Variants in NUMA1 observed in about 807,000 individuals in gnomAD.
NUMA1 encodes the protein nuclear mitotic apparatus protein 1.
In NUMA1, 62 loss-of-function variants were observed where a neutral mutation model predicts 237.1. The ratio of observed to expected loss-of-function variants is 0.26; its 90% confidence interval spans 0.21 to 0.32. The LOEUF (loss-of-function observed/expected upper bound fraction) is 0.32. Among genes scored for constraint, NUMA1 ranks in the 10% least tolerant of loss-of-function variants. The pLI is 1.00. For missense variants in NUMA1, 2,533 were observed against 2,666.5 expected (o/e 0.95, Z 1.10); for synonymous variants, 1,028 against 1,066.1 (o/e 0.96, Z 0.70).
chr11:72,027,542 T>C (rs1565240077), intron 4 of NUMA1, among the ~76,000 whole-genome samples: 1 of 88,586 alleles, frequency 1.1e-5, no homozygotes, highest in African/African-American at 3.7e-5. Context: ...GATTTAAGGA[T>C]TTCTATAAGA....
intron 2 of NUMA1, among the ~76,000 whole-genome samples, chr11:72,056,923 T>C (rs904975210): frequency 1.3e-5 from 2 of 151,942 alleles, no homozygotes; most frequent in African/African-American, 2.4e-5. Context: ...AAAAATGGCA[T>C]TGAAAATGGA....
Position 72,014,920 on chromosome 11 carries a change from G to A in NUMA1, c.2583C>T (p.Ser861=). 1 of 1,614,164 alleles carries A rather than the reference G, an allele frequency of 6.2e-7. No individual in the cohort carries two copies. The part of the protein sequence containing the change: ...EAKEKVAGIE[S]HSELQISRQQ... ...GCCGGCTTATCTGGAGCTCGCTGTG[G>A]GATTCTATGCCTGCCACCTTCTCCT... Residue 861 remains serine (S), a synonymous_variant, in exon 15 of 27, where the codon TCC becomes TCT. Transcript: ENST00000393695. This position sits in a 1 kb window ranked among gnomAD's most constrained non-coding sequence, Gnocchi z 4.6.
chr11:72,033,319 C>T (rs1027059323), intron 3 of NUMA1, among the ~76,000 whole-genome samples: 9 of 151,690 alleles, frequency 5.9e-5, no homozygotes, highest in Admixed American at 1.3e-4. Flanking sequence ...CACTACTGAT[C>T]CCAGCACATA....
At chr11:72,005,665 C>G (rs908366492) in intron 22 of NUMA1, 1 of 501,124 alleles carries the variant, frequency 2.0e-6, no homozygotes, top group African/African-American at 2.0e-5. Context: ...AATTAAGGAC[C>G]GGGAATTAAT....
At chr11:72,008,028 T>C (rs902134542) in intron 20 of NUMA1, 10 of 451,706 alleles carry the variant, frequency 2.2e-5, no homozygotes, top group Non-Finnish European at 4.0e-5. Flanking sequence ...CTGGGGAACC[T>C]TGGGCAAGTG....
chr11:72,018,018 A>G (rs1334145012), intron 12 of NUMA1, 165 bp downstream of exon 12: 4 of 939,792 alleles, frequency 4.3e-6, no homozygotes, highest in Non-Finnish European at 4.9e-6. Flanking sequence ...AGTACCCGGG[A>G]AGCCGCCAAT....
chr11:72,044,933 G>A (rs1941910160), intron 2 of NUMA1, among the ~76,000 whole-genome samples: 1 of 151,968 alleles, frequency 6.6e-6, no homozygotes, highest in Admixed American at 6.6e-5. Context: ...CCCAAGTGCT[G>A]GATTACAGGT....
At chr11:72,071,525 A>G (rs1230898945) in intron 1 of NUMA1, among the ~76,000 whole-genome samples, 1 of 152,268 alleles carries the variant, frequency 6.6e-6, no homozygotes, top group African/African-American at 2.4e-5. Context: ...AAATACATGC[A>G]TGATCCTTCA....
chr11:72,004,913 T>A, intron 23 of NUMA1, 97 bp from the exon 24 acceptor site: 1 of 1,208,954 alleles, frequency 8.3e-7, no homozygotes, highest in Non-Finnish European at 1.1e-6. Flanking sequence ...CCGACACTTA[T>A]GGTCGGGACC....
Position 72,037,365 on chromosome 11 carries a change from G to A in NUMA1, c.-32-1390C>T, listed in dbSNP as rs1021251208. On this transcript the variant is annotated intron_variant, in intron 2 of 26. Coordinates refer to ENST00000393695, the MANE Select transcript of NUMA1 (RefSeq NM_006185.4). ...CTAAAAATACAAAAAAATTAGCTGGGCATGGTGGCGGGCGCCTGTAGTCCC... is the reference window on the plus strand; with the variant it reads ...CTAAAAATACAAAAAAATTAGCTGGACATGGTGGCGGGCGCCTGTAGTCCC... 5.9e-5 allele frequency among the ~76,000 whole-genome samples: 9 copies of A among 152,190 alleles called. No homozygotes were observed. The East Asian group carries it at 1.5e-3, about 26-fold the overall frequency.
At chr11:72,053,031 G>A (rs1942451957) in intron 2 of NUMA1, among the ~76,000 whole-genome samples, 1 of 152,202 alleles carries the variant, frequency 6.6e-6, no homozygotes, top group East Asian at 1.9e-4. Flanking sequence ...TGGGTTTATA[G>A]CTTAATAGCT....
In NUMA1 at chr11:72,013,684, C is replaced by T; in HGVS notation, c.3819G>A (p.Gln1273=). 6.2e-7 allele frequency: 1 copy of T among 1,609,216 alleles called. No homozygotes were observed. Among genetic ancestry groups the T allele is most frequent in the South Asian group, 1.1e-5 (1 of 91,086 alleles). ...QKLEERLRLL[Q]AETASNSARA... is the part of the protein sequence containing the mutation. ...TGGCACTGTTGCTGGCTGTCTCTGC[C>T]TGCAGCAGGCGCAGCCTCTCCTCCA... The change falls in exon 15 of 27, where the codon CAG becomes CAA. Residue 1273 remains glutamine (Q), a synonymous_variant. Transcript: ENST00000393695. The surrounding 1 kb of genome is among the most constrained non-coding windows in gnomAD (Gnocchi z 6.8).
At chr11:72,029,084 G>A in intron 4 of NUMA1, 121 bp downstream of exon 4, 2 of 678,146 alleles carry the variant, frequency 2.9e-6, no homozygotes, top group Non-Finnish European at 5.0e-6. Context: ...GGCTTATGAT[G>A]TCCCAATCCT....
At chr11:72,035,781 A>T in intron 3 of NUMA1, 121 bp downstream of exon 3, 1 of 900,954 alleles carries the variant, frequency 1.1e-6, no homozygotes, top group Admixed American at 1.9e-5. Context: ...GTCTAAAGGA[A>T]AACTATTTAG....
rs755896725 is a variant in NUMA1 at position 72,007,205 on chromosome 11, TTGA to T, written c.5444_5446del (p.Ile1815del). 11 of 1,609,990 alleles carry T rather than the reference TTGA, an allele frequency of 6.8e-6. No homozygotes were observed. The South Asian group carries it at 1.1e-4, about 16-fold the overall frequency. Reference sequence around the variant, plus strand: ...CAGCCTGACCTTGGTCATGGTGATGTTGATGATCTGCGTGGTGCGCCGACGAGC... The same window carrying T: ...CAGCCTGACCTTGGTCATGGTGATGTTGATCTGCGTGGTGCGCCGACGAGC... On this transcript the variant is annotated inframe_deletion, in exon 21 of 27. Transcript: ENST00000393695.
intron 5 of NUMA1, 45 bp downstream of exon 5, chr11:72,024,229 G>A (rs1415538559): frequency 6.4e-7 from 1 of 1,568,688 alleles, no homozygotes; most frequent in Admixed American, 1.7e-5. Context: ...AATCCCACGA[G>A]CTGAGGAAGC....
At position 72,016,032 on chromosome 11, in the gene NUMA1, C is replaced by T. The variant is rs768312706; in HGVS notation, c.1471G>A (p.Ala491Thr). 2 of 1,614,092 alleles carry T rather than the reference C, an allele frequency of 1.2e-6. No homozygotes were observed. Among genetic ancestry groups the T allele is most frequent in the South Asian group, 2.2e-5 (2 of 91,086 alleles). ...AKEELEQASQ[A>T]HGARLTAQVA... Reference sequence around the variant, plus strand: ...TGGGCAGTCAACCGGGCCCCATGAGCCTGGGAGGCCTGCTCCAGCTCTTCC... The same window carrying T: ...TGGGCAGTCAACCGGGCCCCATGAGTCTGGGAGGCCTGCTCCAGCTCTTCC... Residue 491 changes from alanine to threonine, a missense_variant, in exon 15 of 27, where the codon GCT becomes ACT. This residue lies in a region of NUMA1 where 1,414 missense variants were observed against 1,508.1 expected (regional missense o/e 0.94). Coordinates refer to ENST00000393695, the MANE Select transcript of NUMA1 (RefSeq NM_006185.4).
chr11:72,019,746 C>G, intron 8 of NUMA1, 129 bp from the exon 9 acceptor site: 1 of 1,014,240 alleles, frequency 9.9e-7, no homozygotes, highest in Admixed American at 2.8e-5. Flanking sequence ...TGTAAACTAC[C>G]AAGGAAGGCA....
At chr11:72,010,671 T>C in intron 17 of NUMA1, 115 bp downstream of exon 17, 1 of 990,970 alleles carries the variant, frequency 1.0e-6, no homozygotes, top group South Asian at 1.5e-5. Context: ...CTAGGAGGGC[T>C]ACCTGGAATG....
Sources: allele counts gnomAD v4.1 joint callset (sites outside exome capture counted in the v4.1 genomes callset), GRCh38; gene constraint gnomAD v4.1.1; regional missense constraint gnomAD v4.1.1; non-coding constraint Gnocchi (gnomAD v3.1); transcripts MANE v1.5; gene names NCBI Gene and HGNC (gene_info 2026-07-23, HGNC 2026-07-21).